Variants in ARHGEF18 observed in about 807,000 individuals in gnomAD.
The protein encoded by ARHGEF18 is Rho/Rac guanine nucleotide exchange factor 18.
Under a neutral mutation model 155.7 loss-of-function variants are expected in ARHGEF18, and 93 were observed. The observed-to-expected ratio is 0.60, with a 90% CI of 0.50 to 0.71. The LOEUF (loss-of-function observed/expected upper bound fraction) is 0.71, where lower values mean the gene tolerates loss of function less well. Among genes scored for constraint, ARHGEF18 ranks in the 30% least tolerant of loss-of-function variants. The pLI, the probability that ARHGEF18 is intolerant of heterozygous loss-of-function variation, is 0.00. For synonymous variants in ARHGEF18, 742 were observed against 753.1 expected (o/e 0.99, Z 0.24); for missense variants, 1,593 against 1,816.1 (o/e 0.88, Z 2.23).
At chr19:7,359,331 G>A (rs1195573168) in intron 1 of ARHGEF18, among the ~76,000 whole-genome samples, 4 of 152,172 alleles carry the variant, frequency 2.6e-5, no homozygotes, top group African/African-American at 7.2e-5. Flanking sequence ...GCAATCGTTT[G>A]GGGCAATTGT....
At chr19:7,469,835 G>C in intron 27 of ARHGEF18, 69 bp from the exon 28 acceptor site, 10 of 1,572,006 alleles carry the variant, frequency 6.4e-6, no homozygotes, top group Non-Finnish European at 8.6e-6. Flanking sequence ...CTCTGCTCTC[G>C]GAGGCTGCCC....
intron 10 of ARHGEF18, among the ~76,000 whole-genome samples, chr19:7,389,778 G>A (rs961972270): frequency 6.6e-6 from 1 of 151,958 alleles, no homozygotes; most frequent in Admixed American, 6.6e-5. Flanking sequence ...CAAGCGATCC[G>A]CCCACGAGTC....
intron 15 of ARHGEF18, among the ~76,000 whole-genome samples, 171 bp from the exon 16 acceptor site, chr19:7,450,978 G>T (rs1027283327): frequency 1.4e-5 from 2 of 140,654 alleles, no homozygotes; most frequent in African/African-American, 5.3e-5. Context: ...CCGTTTCCGA[G>T]ATGTTAATGC....
chr19:7,414,111 T>G (rs12972008), intron 10 of ARHGEF18, among the ~76,000 whole-genome samples: 83,952 of 151,782 alleles, frequency 0.55, 23,642 homozygotes, highest in Middle Eastern at 0.75. Flanking sequence ...GGATGGGACC[T>G]ACCTGGGCAC....
intron 2 of ARHGEF18, among the ~76,000 whole-genome samples, chr19:7,367,469 G>A (rs192622548): frequency 2.5e-4 from 38 of 152,002 alleles, no homozygotes; most frequent in African/African-American, 8.4e-4. Flanking sequence ...AGCTGGGGCC[G>A]GGCGTGGTGA....
chr19:7,431,319 C>T lies in ARHGEF18; in HGVS notation c.968-9025C>T, dbSNP rs184228821. 2.8e-3 allele frequency among the ~76,000 whole-genome samples: 426 copies of T among 151,960 alleles called. 3 individuals are homozygous for T. Among genetic ancestry groups the T allele is most frequent in the Non-Finnish European group, 4.4e-3 (296 of 67,962 alleles). On this transcript the variant is annotated intron_variant, in intron 10 of 28. Coordinates refer to ENST00000668164, the MANE Select transcript of ARHGEF18 (RefSeq NM_001367823.1). ...ATCACTTGAGGTCAGGCATTCGAAA[C>T]CAGCCTGGCCAACATGGTAAAACCC... is the stretch of plus-strand genomic sequence containing the variant.
chr19:7,402,749 G>T (rs1972083126), intron 10 of ARHGEF18, among the ~76,000 whole-genome samples: 1 of 152,066 alleles, frequency 6.6e-6, no homozygotes, highest in Non-Finnish European at 1.5e-5. Flanking sequence ...CCCAGGAGAT[G>T]TCAGTGTGCC....
At chr19:7,446,783 C>T (rs1354960543) in intron 14 of ARHGEF18, among the ~76,000 whole-genome samples, 12 of 151,504 alleles carry the variant, frequency 7.9e-5, no homozygotes, top group Admixed American at 7.9e-4. Flanking sequence ...GTAATCCCAG[C>T]TACTTGGGAG....
rs1460759710 is a variant in ARHGEF18, at chr19:7,444,144, G to A, written c.1361-60G>A. 7.6e-6 allele frequency: 12 copies of A among 1,588,790 alleles called. No homozygotes were observed. The highest frequency in any genetic ancestry group is 4.5e-5 in the South Asian group (4 of 88,432). On this transcript the variant is annotated intron_variant, in intron 13 of 28. Coordinates refer to ENST00000668164, the MANE Select transcript of ARHGEF18 (RefSeq NM_001367823.1). This position sits in a 1 kb window ranked among gnomAD's most constrained non-coding sequence, Gnocchi z 4.7. ...CACGTGAAGGGCAGGCAGCACCCAC[G>A]ACTGCCCAGCGGGGCCGTGGAGCCA...
intron 15 of ARHGEF18, among the ~76,000 whole-genome samples, chr19:7,447,983 T>G (rs1975103606): frequency 6.6e-6 from 1 of 152,120 alleles, no homozygotes; most frequent in Non-Finnish European, 1.5e-5. Context: ...GATACATATG[T>G]ATACACACAC....
Position 7,446,908 on chromosome 19 carries a change from AAAAG to A in ARHGEF18, c.1612-132_1612-129del, listed in dbSNP as rs1256948633. 1,483 of 1,169,656 alleles carry A rather than the reference AAAAG, an allele frequency of 1.3e-3. 4 individuals are homozygous for A. Among genetic ancestry groups the A allele is most frequent in the Middle Eastern group, 5.2e-3 (16 of 3,100 alleles). 72.5% of individuals were successfully genotyped at this position (1,169,656 alleles called of 1,614,324 possible). A position where few individuals can be genotyped will look rare whatever the true frequency, so the allele number is the denominator to read the frequency against. On this transcript the variant is annotated intron_variant, in intron 14 of 28. Transcript: ENST00000668164. ...AAGATGCTGTCTCAAAAAAAAAAAA[AAAAG>A]AAGAAGAAAGAAAGAAAATGGAATT...
chr19:7,405,621 T>C (rs1000626465), intron 10 of ARHGEF18, among the ~76,000 whole-genome samples: 49 of 152,226 alleles, frequency 3.2e-4, no homozygotes, highest in Non-Finnish European at 1.5e-4. Flanking sequence ...GTTTTAGTTT[T>C]TGTTTTTGAA....
chr19:7,380,248 G>A (rs1207639464), intron 7 of ARHGEF18, among the ~76,000 whole-genome samples: 3 of 151,998 alleles, frequency 2.0e-5, no homozygotes, highest in Non-Finnish European at 2.9e-5. Context: ...GGAGGCCAAG[G>A]CGGGCGGATC....
In ARHGEF18 at chr19:7,444,412, G is replaced by C. The variant is rs1395045911; in HGVS notation, c.1569G>C (p.Arg523=). Residue 523 remains arginine (R), a synonymous_variant, in exon 14 of 29, where the codon CGG becomes CGC. Transcript: ENST00000668164. The surrounding 1 kb of genome is among the most constrained non-coding windows in gnomAD (Gnocchi z 4.7). ...RQESLEEGSD[R]NYVIQKIGDL... ...AGTCCCTGGAGGAGGGCAGTGACCG[G>C]AATTATGTCATCCAGAAAATCGGCG... 8 of 1,613,596 alleles carry C rather than the reference G, an allele frequency of 5.0e-6. No homozygotes were observed. Among genetic ancestry groups the C allele is most frequent in the Non-Finnish European group, 6.8e-6 (8 of 1,180,026 alleles).
At chr19:7,475,744 C>T (rs972519361), downstream of ARHGEF18, among the ~76,000 whole-genome samples, 1 of 152,218 alleles carries the variant, frequency 6.6e-6, no homozygotes. Context: ...GGCTTCCCCA[C>T]ACAGAGGCGC....
chr19:7,472,600 C>T (rs1034402804), downstream of ARHGEF18: 3 of 187,968 alleles, frequency 1.6e-5, no homozygotes, highest in African/African-American at 7.0e-5. Context: ...TCAGCTCGCT[C>T]ACCTGCCCTC....
At chr19:7,453,182 G>A (rs956332345) in intron 16 of ARHGEF18, among the ~76,000 whole-genome samples, 17 of 151,950 alleles carry the variant, frequency 1.1e-4, no homozygotes, top group African/African-American at 3.9e-4. Flanking sequence ...GGGTGACAGA[G>A]CCAGACTCCG....
chr19:7,403,549 C>CTTTTTTTTT (rs200331404), intron 10 of ARHGEF18, among the ~76,000 whole-genome samples: 1 of 130,152 alleles, frequency 7.7e-6, no homozygotes, highest in African/African-American at 4.3e-5. Context: ...TTCTTTCTTT[C>CTTTTTTTTT]TTTCTTTTTT....
rs750177893 is a variant in ARHGEF18, at chr19:7,440,310, C to A, written c.968-34C>A. Reference sequence around the variant, plus strand: ...GGACCTCCGCTACCCGACCCACTTTCTCAGCACCAACTCTGTCCTTGCCTC... The same window carrying A: ...GGACCTCCGCTACCCGACCCACTTTATCAGCACCAACTCTGTCCTTGCCTC... On this transcript the variant is annotated intron_variant, in intron 10 of 28. Transcript: ENST00000668164. This position sits in a 1 kb window ranked among gnomAD's most constrained non-coding sequence, Gnocchi z 5.4. The A allele has an allele frequency of 6.2e-7, 1 of 1,602,320 alleles. No homozygotes were observed. The highest frequency in any genetic ancestry group is 8.5e-7 in the Non-Finnish European group (1 of 1,174,748).
Sources: allele counts gnomAD v4.1 joint callset (sites outside exome capture counted in the v4.1 genomes callset), GRCh38; gene constraint gnomAD v4.1.1; non-coding constraint Gnocchi (gnomAD v3.1); transcripts MANE v1.5; gene names NCBI Gene and HGNC (gene_info 2026-07-23, HGNC 2026-07-21).